The following PCDH10 variants were observed in gnomAD, a reference collection of about 807,000 sequenced individuals.
The protein encoded by PCDH10 is protocadherin-10.
PCDH10 carries 15 observed loss-of-function variants against 74.4 expected under a neutral mutation model. The ratio of observed to expected loss-of-function variants is 0.20; its 90% CI spans 0.13 to 0.31. The LOEUF (loss-of-function observed/expected upper bound fraction) is 0.31. Ranked by LOEUF, PCDH10 falls within the 10% of genes least tolerant of loss-of-function variation. The pLI is 1.00. For synonymous variants in PCDH10, 619 were observed against 589.8 expected (o/e 1.05, Z -0.72); for missense variants, 1,260 against 1,390.2 (o/e 0.91, Z 1.49).
In PCDH10 at chr4:133,151,582, A is replaced by T. The variant is rs145695387; in HGVS notation, c.1442A>T (p.Tyr481Phe). 8.7e-6 allele frequency: 14 copies of T among 1,613,810 alleles called. No individual in the cohort carries two copies. The highest frequency in any genetic ancestry group is 1.1e-5 in the Non-Finnish European group (13 of 1,180,016). The change falls in exon 1 of 5, where the codon TAC becomes TTC. Residue 481 changes from tyrosine (Y) to phenylalanine (F), a missense_variant. Tyr to Phe is a conservative substitution (Grantham distance 22). Transcript: ENST00000264360. ...YVTENNVPGA[Y>F]IYAVSATDRD... Reference sequence around the variant, plus strand: ...ACTGAAAACAACGTGCCTGGCGCCTACATCTACGCGGTGAGCGCCACCGAC... The same window carrying T: ...ACTGAAAACAACGTGCCTGGCGCCTTCATCTACGCGGTGAGCGCCACCGAC...
downstream of PCDH10, among the ~76,000 whole-genome samples, chr4:133,194,936 T>C (rs572305003): frequency 1.3e-5 from 2 of 152,058 alleles, no homozygotes; most frequent in South Asian, 4.1e-4. Flanking sequence ...TTTTGATGTG[T>C]AGTAATACCA....
chr4:133,177,677 A>G (rs1262689273), intron 4 of PCDH10, among the ~76,000 whole-genome samples: 1 of 152,160 alleles, frequency 6.6e-6, no homozygotes, highest in Non-Finnish European at 1.5e-5. Flanking sequence ...TATTTCTAGC[A>G]ATGGAAGAAA....
chr4:133,179,808 C>T (rs181140879), intron 4 of PCDH10, among the ~76,000 whole-genome samples: 35 of 152,112 alleles, frequency 2.3e-4, no homozygotes, highest in Admixed American at 8.5e-4. Flanking sequence ...ACAAAGTAGA[C>T]GCTCATAAAT....
Position 133,163,248 on chromosome 4 carries a change from T to G in PCDH10, c.3069T>G (p.Thr1023=). 1.2e-6 allele frequency: 2 copies of G among 1,613,816 alleles called. No homozygotes were observed. Among genetic ancestry groups the G allele is most frequent in the Non-Finnish European group, 1.7e-6 (2 of 1,179,900 alleles). The change falls in exon 4 of 5, where the codon ACT becomes ACG. Residue 1023 remains threonine (T), a synonymous_variant. Transcript: ENST00000264360. ...GGAAGGAGCTGGATGGACTGCTGACTAATACGCGAGCGCCTTACAAACCAC... is the reference window on the plus strand; with the variant it reads ...GGAAGGAGCTGGATGGACTGCTGACGAATACGCGAGCGCCTTACAAACCAC... The part of the protein sequence containing the change: ...LERKELDGLL[T]NTRAPYKPPY...
At chr4:133,201,337 G>A (rs1727906464) in intron 2 of PCDH10, among the ~76,000 whole-genome samples, 1 of 151,564 alleles carries the variant, frequency 6.6e-6, no homozygotes, top group Non-Finnish European at 1.5e-5. Context: ...GGATTATGGG[G>A]ATGGAGACAC....
At chr4:133,177,644 A>G (rs972872823) in intron 4 of PCDH10, among the ~76,000 whole-genome samples, 5 of 152,166 alleles carry the variant, frequency 3.3e-5, no homozygotes, top group African/African-American at 1.2e-4. Context: ...TTACAATGAT[A>G]AAGTTCTTGC....
At chr4:133,159,083 A>T (rs909124131) in intron 3 of PCDH10, among the ~76,000 whole-genome samples, 3 of 152,108 alleles carry the variant, frequency 2.0e-5, no homozygotes, top group Admixed American at 2.0e-4. Context: ...TAGAAATCTC[A>T]AAAAATGAAA....
Position 133,163,258 on chromosome 4 carries a change from G to A in PCDH10, c.3079G>A (p.Ala1027Thr), listed in dbSNP as rs1727009592. Reference sequence around the variant, plus strand: ...GGATGGACTGCTGACTAATACGCGAGCGCCTTACAAACCACCATATTTGAG... The same window carrying A: ...GGATGGACTGCTGACTAATACGCGAACGCCTTACAAACCACCATATTTGAG... The part of the protein sequence containing the change: ...ELDGLLTNTR[A>T]PYKPPYLTRK... The change falls in exon 4 of 5, where the codon GCG becomes ACG. Residue 1027 changes from alanine (A) to threonine (T), a missense_variant. Physicochemically the swap from Ala to Thr is moderately conservative, Grantham distance 58 (BLOSUM62 0). This residue lies in a region of PCDH10 where 136 missense variants were observed against 149.3 expected (regional missense o/e 0.91). Transcript: ENST00000264360. 6.2e-7 allele frequency: 1 copy of A among 1,612,982 alleles called. No homozygotes were observed. Among genetic ancestry groups the A allele is most frequent in the Non-Finnish European group, 8.5e-7 (1 of 1,179,472 alleles).
chr4:133,152,846 C>T, intron 1 of PCDH10, 75 bp downstream of exon 1: 1 of 1,583,648 alleles, frequency 6.3e-7, no homozygotes, highest in Non-Finnish European at 8.6e-7. Context: ...GCCCTTGTAT[C>T]TCTGGTGCAC....
chr4:133,199,666 G>C (rs576883468), downstream of PCDH10, among the ~76,000 whole-genome samples: 4 of 151,090 alleles, frequency 2.6e-5, 1 homozygote, highest in South Asian at 8.3e-4. Context: ...TTGTAGAAAG[G>C]CTTTCTAATT....
chr4:133,162,305 T>C (rs905926395), intron 3 of PCDH10, among the ~76,000 whole-genome samples: 2 of 152,208 alleles, frequency 1.3e-5, no homozygotes, highest in Non-Finnish European at 2.9e-5. Context: ...AAGTGGTTTT[T>C]AGTAATATGG....
chr4:133,201,746 C>G (rs1185922680), intron 2 of PCDH10, among the ~76,000 whole-genome samples: 1 of 150,974 alleles, frequency 6.6e-6, no homozygotes, highest in African/African-American at 2.4e-5. Flanking sequence ...ATCCCAGCTA[C>G]TCTGGAGGCT....
chr4:133,163,862 A>C, intron 4 of PCDH10: 1 of 436,270 alleles, frequency 2.3e-6, no homozygotes, highest in Non-Finnish European at 4.5e-6. Context: ...ATTGAAAAGT[A>C]AAAGAGTTTT....
chr4:133,176,249 A>G lies in PCDH10; in HGVS notation c.3103+12967A>G, dbSNP rs141481455. On this transcript the variant is annotated intron_variant, in intron 4 of 4. Coordinates refer to ENST00000264360, the MANE Select transcript of PCDH10 (RefSeq NM_032961.3). The stretch of plus-strand genomic sequence containing the variant: ...AGCAATGTGGTGAAGAGCACGAGTT[A>G]TGGGATCAGTCAGCCAGGTTTCAAC... Among the ~76,000 whole-genome samples, 25 of 152,236 alleles carry G rather than the reference A, an allele frequency of 1.6e-4. No homozygotes were observed. The East Asian group carries it at 4.8e-3, about 29-fold the overall frequency.
At chr4:133,200,250 A>C (rs1052813561) in intron 2 of PCDH10, among the ~76,000 whole-genome samples, 32 of 152,010 alleles carry the variant, frequency 2.1e-4, no homozygotes, top group Non-Finnish European at 2.9e-4. Context: ...TATCATATGT[A>C]AATTATAATT....
rs769286962 is a variant in PCDH10, at chr4:133,151,079, C to A, written c.939C>A (p.Ser313Arg). 1 of 1,614,084 alleles carries A rather than the reference C, an allele frequency of 6.2e-7. No individual in the cohort carries two copies. Among genetic ancestry groups the A allele is most frequent in the South Asian group, 1.1e-5 (1 of 91,086 alleles). Residue 313 changes from serine to arginine, a missense_variant, in exon 1 of 5, where the codon AGC (serine) becomes AGA (arginine). By Grantham distance (110) the Ser-to-Arg change is moderately radical (BLOSUM62 -1). Coordinates refer to ENST00000264360, the MANE Select transcript of PCDH10 (RefSeq NM_032961.3). ...LSPRTGRLEV[S>R]GELDYEESPV... ...CGCGCACTGGCAGACTGGAGGTAAG[C>A]GGCGAGTTGGACTATGAAGAGAGCC... is the stretch of plus-strand genomic sequence containing the variant.
Position 133,152,314 on chromosome 4 carries a change from T to G in PCDH10, c.2174T>G (p.Val725Gly). The change falls in exon 1 of 5, where the codon GTG (valine) becomes GGG (glycine). Residue 725 changes from valine (V) to glycine (G), a missense_variant. By Grantham distance (109) the Val-to-Gly change is moderately radical. Around this residue, in one of 11 missense-constraint regions of PCDH10, gnomAD observed 587 missense variants for 616.9 expected, o/e 0.95. Transcript: ENST00000264360. ...TLILIIALGSVSFIFLLAMIV... is the reference protein window; with the variant it reads ...TLILIIALGSGSFIFLLAMIV... ...ATCCTCATCATCGCGTTGGGCTCGG[T>G]GTCCTTCATCTTCCTGCTGGCCATG... The G allele has an allele frequency of 6.2e-7, 1 of 1,614,162 alleles. No individual in the cohort carries two copies. The highest frequency in any genetic ancestry group is 1.6e-4 in the Middle Eastern group (1 of 6,062).
intron 3 of PCDH10, among the ~76,000 whole-genome samples, chr4:133,162,540 T>A (rs2125862916): frequency 6.6e-6 from 1 of 152,302 alleles, no homozygotes; most frequent in East Asian, 1.9e-4. Context: ...TATTTGTTTT[T>A]AAGGAAAAAA....
At chr4:133,167,069 C>A (rs1010544179) in intron 4 of PCDH10, among the ~76,000 whole-genome samples, 2 of 151,298 alleles carry the variant, frequency 1.3e-5, no homozygotes, top group Non-Finnish European at 3.0e-5. Flanking sequence ...GTCTCCTGAC[C>A]TAATTTTATT....
Sources: gnomAD v4.1 joint callset for allele counts (sites outside exome capture counted in the v4.1 genomes callset) on GRCh38, gnomAD v4.1.1 for gene constraint, gnomAD v4.1.1 regional missense constraint, MANE v1.5 for transcripts, NCBI Gene and HGNC (gene_info 2026-07-23, HGNC 2026-07-21) for gene names.